Variants in TBC1D32 observed in about 807,000 individuals in gnomAD.
The protein encoded by TBC1D32 is protein broad-minded.
In TBC1D32, 151 loss-of-function variants were observed where a neutral mutation model predicts 170.3. That is an observed-to-expected ratio of 0.89 (90% CI 0.78 to 1.01). The LOEUF (loss-of-function observed/expected upper bound fraction) is 1.01, where lower values mean the gene tolerates loss of function less well. Ranked by LOEUF, TBC1D32 falls within the 50% of genes least tolerant of loss-of-function variation. TBC1D32 has a pLI of 0.00. For missense variants in TBC1D32, 1,464 were observed against 1,457.1 expected, an observed-to-expected ratio of 1.00 and a Z score of -0.08; for synonymous variants, 498 against 488.0, an observed-to-expected ratio of 1.02 and a Z score of -0.27.
At chr6:121,138,823 C>A (rs181423721) in intron 24 of TBC1D32, among the ~76,000 whole-genome samples, 1 of 151,828 alleles carries the variant, frequency 6.6e-6, no homozygotes, top group African/African-American at 2.4e-5. Context: ...TTATATTACA[C>A]TTCATATAGT....
chr6:121,321,494 G>A (rs1809694950), intron 2 of TBC1D32, 139 bp downstream of exon 2: 3 of 787,250 alleles, frequency 3.8e-6, no homozygotes, highest in Admixed American at 5.4e-5. Flanking sequence ...GTGAAAGGGT[G>A]TCATGATCTG....
intron 15 of TBC1D32, among the ~76,000 whole-genome samples, chr6:121,258,775 T>C (rs1405474117): frequency 6.6e-6 from 1 of 152,160 alleles, no homozygotes; most frequent in Non-Finnish European, 1.5e-5. Flanking sequence ...TATTCCCTTT[T>C]ATAGACAGCT....
In TBC1D32 at chr6:121,090,871, A is replaced by G; in HGVS notation, c.3636T>C (p.Asp1212=). The G allele has an allele frequency of 6.2e-7, 1 of 1,609,916 alleles. No individual in the cohort carries two copies. Among genetic ancestry groups the G allele is most frequent in the Middle Eastern group, 1.7e-4 (1 of 5,886 alleles). ...QDILQHTQTQ[D]LQVFLKEEAL... ...TACTTACTTTTAGGAAAACTTGCAG[A>G]TCTTGAGTCTGAGTGTGCTGTAGAA... is the stretch of plus-strand genomic sequence containing the variant. The change falls in exon 31 of 32, where the codon GAT becomes GAC. Residue 1212 remains aspartate (D), a synonymous_variant. Transcript: ENST00000398212.
chr6:121,095,850 T>C (rs898798277), intron 30 of TBC1D32: 3 of 152,158 alleles, frequency 2.0e-5, no homozygotes, highest in African/African-American at 7.2e-5. Flanking sequence ...TTATTGAGGA[T>C]TTTTGCATCG....
intron 25 of TBC1D32, among the ~76,000 whole-genome samples, chr6:121,126,903 C>T (rs1032200205): frequency 4.6e-5 from 7 of 152,074 alleles, no homozygotes; most frequent in African/African-American, 7.2e-5. Flanking sequence ...TTGCAACTGA[C>T]GGTATCTATT....
chr6:121,279,260 GA>G lies in TBC1D32; in HGVS notation c.1609-16del. 1.3e-6 allele frequency: 2 copies of G among 1,596,178 alleles called. No individual in the cohort carries two copies. The highest frequency in any genetic ancestry group is 1.7e-6 in the Non-Finnish European group (2 of 1,175,236). On this transcript the variant is annotated splice_polypyrimidine_tract_variant and intron_variant, in intron 14 of 31. Coordinates refer to ENST00000398212, the MANE Select transcript of TBC1D32 (RefSeq NM_152730.6). ...TTTGGAGATGCCTGTACATTAAAAA[GA>G]AAACAAGACAAATCACATAATTTTA...
intron 12 of TBC1D32, 85 bp from the exon 13 acceptor site, chr6:121,283,995 T>C (rs1201437117): frequency 2.0e-6 from 2 of 1,002,570 alleles, no homozygotes; most frequent in African/African-American, 1.6e-5. Flanking sequence ...CATCCATCTA[T>C]ATAGTTGAGG....
chr6:121,265,581 G>A (rs1447599160), intron 15 of TBC1D32, among the ~76,000 whole-genome samples: 1 of 94,294 alleles, frequency 1.1e-5, no homozygotes, highest in Non-Finnish European at 3.0e-5. Flanking sequence ...AATTCATATG[G>A]AACCAAAAAA....
At chr6:121,246,688 A>G (rs1797665968) in intron 17 of TBC1D32, among the ~76,000 whole-genome samples, 1 of 151,900 alleles carries the variant, frequency 6.6e-6, no homozygotes, top group Admixed American at 6.6e-5. Flanking sequence ...ATAATAAAGA[A>G]AAAAATCACA....
At chr6:121,233,869 TTA>T (rs553355737) in intron 20 of TBC1D32, among the ~76,000 whole-genome samples, 2 of 152,232 alleles carry the variant, frequency 1.3e-5, no homozygotes, top group Non-Finnish European at 2.9e-5. Flanking sequence ...GTTTCAAGAT[TTA>T]GAGCTCCTTT....
chr6:121,220,662 A>C (rs1042208186), intron 21 of TBC1D32, among the ~76,000 whole-genome samples: 4 of 120,020 alleles, frequency 3.3e-5, no homozygotes, highest in Admixed American at 9.6e-5. Context: ...TTTTTTTGAG[A>C]TTGAGTCTCA....
At chr6:121,239,262 C>G in intron 19 of TBC1D32, 74 bp from the exon 20 acceptor site, 1 of 844,154 alleles carries the variant, frequency 1.2e-6, no homozygotes, top group Non-Finnish European at 1.9e-6. Flanking sequence ...ATATGATGAT[C>G]CCTCTGATGA....
chr6:121,289,579 C>T (rs956929469), intron 12 of TBC1D32, among the ~76,000 whole-genome samples: 44 of 152,198 alleles, frequency 2.9e-4, no homozygotes, highest in Non-Finnish European at 1.2e-4. Flanking sequence ...CTGCCCAAGG[C>T]AATTTATAGA....
At chr6:121,283,425 T>C (rs1803329328) in intron 13 of TBC1D32, among the ~76,000 whole-genome samples, 1 of 151,800 alleles carries the variant, frequency 6.6e-6, no homozygotes, top group African/African-American at 2.4e-5. Context: ...GAGTTTTGGA[T>C]GTAAGCCAAA....
chr6:121,316,245 T>C (rs148863500), intron 3 of TBC1D32, among the ~76,000 whole-genome samples: 1 of 152,306 alleles, frequency 6.6e-6, no homozygotes, highest in East Asian at 1.9e-4. Flanking sequence ...TCTGAATACC[T>C]GTACTTCTTA....
At chr6:121,255,737 G>A (rs117888058) in intron 16 of TBC1D32, among the ~76,000 whole-genome samples, 28 of 152,014 alleles carry the variant, frequency 1.8e-4, no homozygotes, top group Non-Finnish European at 3.8e-4. Flanking sequence ...GCTACATTAC[G>A]ATCTCTAGTA....
chr6:121,103,106 A>C (rs1290677), intron 30 of TBC1D32, among the ~76,000 whole-genome samples: 10,249 of 152,112 alleles, frequency 0.067, 991 homozygotes, highest in African/African-American at 0.21. Context: ...GAGGATGTGG[A>C]GAAATAGGAA....
chr6:121,186,246 A>C (rs542949178), intron 22 of TBC1D32, among the ~76,000 whole-genome samples: 2 of 152,184 alleles, frequency 1.3e-5, no homozygotes, highest in African/African-American at 4.8e-5. Flanking sequence ...CATGATTATC[A>C]ATGAAAGAAA....
chr6:121,170,690 TCTC>T (rs1786853901), intron 22 of TBC1D32, among the ~76,000 whole-genome samples: 2 of 152,222 alleles, frequency 1.3e-5, no homozygotes, highest in Non-Finnish European at 2.9e-5. Flanking sequence ...AGAATAGTAA[TCTC>T]CTCTTCAAAA....
Sources: allele counts gnomAD v4.1 joint callset (sites outside exome capture counted in the v4.1 genomes callset), GRCh38; gene constraint gnomAD v4.1.1; transcripts MANE v1.5; gene names NCBI Gene and HGNC (gene_info 2026-07-23, HGNC 2026-07-21).